Variants in LRRC43 observed in about 807,000 individuals in gnomAD.
LRRC43 encodes leucine rich repeat containing 43.
Under a neutral mutation model 64.3 loss-of-function variants are expected in LRRC43, and 62 were observed. The observed-to-expected ratio is 0.96, with a 90% CI of 0.79 to 1.19. LRRC43 has a LOEUF of 1.19. LRRC43 is among the 50% of genes most tolerant of loss of function. LRRC43 has a pLI of 0.00. For missense variants in LRRC43, 868 were observed against 845.0 expected (o/e 1.03, Z -0.34); for synonymous variants, 422 against 382.3 (o/e 1.10, Z -1.21).
At chr12:122,190,484 CA>C in intron 5 of LRRC43, 116 bp downstream of exon 5, 1 of 735,810 alleles carries the variant, frequency 1.4e-6, no homozygotes. Context: ...CCATTTGACC[CA>C]GACCCTATTC....
At chr12:122,180,399 A>G (rs1449356452), upstream of LRRC43, among the ~76,000 whole-genome samples, 5 of 151,520 alleles carry the variant, frequency 3.3e-5, no homozygotes, top group African/African-American at 1.2e-4. Flanking sequence ...GGAGCCTGCA[A>G]TCCCAGCTAC....
rs549848383 is a variant in LRRC43, at chr12:122,184,765, G to C, written c.397G>C (p.Val133Leu). The C allele has an allele frequency of 5.0e-6, 8 of 1,603,538 alleles. No homozygotes were observed. Among genetic ancestry groups the C allele is most frequent in the African/African-American group, 1.3e-5 (1 of 74,746 alleles). Residue 133 changes from valine (V) to leucine (L), a missense_variant, in exon 2 of 12, where the codon GTA (valine) becomes CTA (leucine). Transcript: ENST00000339777. The surrounding 1 kb of genome is among the most constrained non-coding windows in gnomAD (Gnocchi z 4.0). ...FFYSYFRSLR[V>L]IDKKVTLVDK... ...CTACTCCTACTTCCGGTCCCTGCGG[G>C]TAATAGACAAGAAGGTCAGTGCTGG...
intron 1 of LRRC43, among the ~76,000 whole-genome samples, chr12:122,168,441 CAA>C (rs557937624): frequency 2.6e-4 from 32 of 120,776 alleles, no homozygotes; most frequent in Admixed American, 2.6e-4. Context: ...AACTCTGTCT[CAA>C]AAAAAAAAAA....
intron 3 of LRRC43, among the ~76,000 whole-genome samples, chr12:122,187,185 T>A (rs1953655014): frequency 6.6e-6 from 1 of 151,964 alleles, no homozygotes. Flanking sequence ...GAGCCAAGAT[T>A]GTGCCACTGC....
rs776831066 is a variant in LRRC43 at position 122,191,476 on chromosome 12, G to C, written c.998G>C (p.Gly333Ala). 2 of 1,613,932 alleles carry C rather than the reference G, an allele frequency of 1.2e-6. No individual in the cohort carries two copies. The highest frequency in any genetic ancestry group is 1.7e-6 in the Non-Finnish European group (2 of 1,180,020). The change falls in exon 6 of 12, where the codon GGC (glycine) becomes GCC (alanine). Residue 333 changes from glycine (G) to alanine (A), a missense_variant. Physicochemically the swap from Gly to Ala is moderately conservative, Grantham distance 60. Transcript: ENST00000339777. ...SVLDPEPRPEGPFITYNYYVT... is the reference protein window; with the variant it reads ...SVLDPEPRPEAPFITYNYYVT... Reference sequence around the variant, plus strand: ...TTAGACCCGGAACCCAGGCCCGAAGGCCCTTTCATCACTTACAACTATTAC... The same window carrying C: ...TTAGACCCGGAACCCAGGCCCGAAGCCCCTTTCATCACTTACAACTATTAC...
At chr12:122,172,421 G>A in intron 1 of LRRC43, 1 of 1,611,642 alleles carries the variant, frequency 6.2e-7, no homozygotes, top group Non-Finnish European at 8.5e-7. Context: ...CTTAAGTGGT[G>A]GCCTGTTGGG....
intron 1 of LRRC43, among the ~76,000 whole-genome samples, chr12:122,169,850 C>T (rs1953470254): frequency 6.6e-6 from 1 of 151,786 alleles, no homozygotes. Context: ...ACTCTGTTGC[C>T]CAGGCTGGAG....
intron 7 of LRRC43, among the ~76,000 whole-genome samples, chr12:122,198,730 A>ACGTTCAACTT (rs1566012805): frequency 5.4e-5 from 8 of 147,220 alleles, no homozygotes; most frequent in African/African-American, 7.7e-5. Flanking sequence ...CCCAGGTTCA[A>ACGTTCAACTT]GTGATTCTCC....
intron 1 of LRRC43, chr12:122,173,700 C>T (rs1236116365): frequency 7.7e-6 from 5 of 646,214 alleles, no homozygotes; most frequent in Middle Eastern, 2.9e-4. Flanking sequence ...AAAAAAAAAG[C>T]CATCTTTGCC....
Position 122,183,258 on chromosome 12 carries a change from G to A in LRRC43, c.114G>A (p.Leu38=). The change falls in exon 1 of 12, where the codon CTG becomes CTA. Residue 38 remains leucine (L), a synonymous_variant. Transcript: ENST00000339777. ...CCGTGCGCGAGCACTTGCGGAAGCT[G>A]TGTCTGCGCGAGTTCCCGTGCGGTG... The part of the protein sequence containing the change: ...SAAVREHLRK[L]CLREFPCGAG... The A allele has an allele frequency of 6.4e-7, 1 of 1,561,218 alleles. No individual in the cohort carries two copies. Among genetic ancestry groups the A allele is most frequent in the South Asian group, 1.2e-5 (1 of 86,888 alleles).
intron 1 of LRRC43, among the ~76,000 whole-genome samples, chr12:122,177,859 A>G (rs1953551293): frequency 7.5e-6 from 1 of 133,290 alleles, no homozygotes; most frequent in Non-Finnish European, 1.7e-5. Flanking sequence ...TTATTTTGAG[A>G]TGGAGTGTGG....
intron 1 of LRRC43, chr12:122,172,357 G>A (rs1184191142): frequency 3.9e-6 from 5 of 1,265,960 alleles, no homozygotes; most frequent in Non-Finnish European, 4.5e-6. Flanking sequence ...CTTAGCTGTC[G>A]GTCATCTTTT....
At position 122,190,330 on chromosome 12, in the gene LRRC43, A is replaced by T. The variant is rs201800249; in HGVS notation, c.863A>T (p.Asn288Ile). 1.2e-6 allele frequency: 2 copies of T among 1,614,000 alleles called. No homozygotes were observed. Among genetic ancestry groups the T allele is most frequent in the Admixed American group, 1.7e-5 (1 of 60,006 alleles). The change falls in exon 5 of 12, where the codon AAT (asparagine) becomes ATT (isoleucine). Residue 288 changes from asparagine to isoleucine, a missense_variant. Physicochemically the swap from Asn to Ile is moderately radical, Grantham distance 149. Transcript: ENST00000339777. ...CVLDDITVSP[N>I]EKHLFRGLSL... ...CTGGACGACATCACCGTGTCTCCCA[A>T]TGAGAAGCATCTCTTCCGGGGGCTC...
upstream of LRRC43, among the ~76,000 whole-genome samples, chr12:122,179,787 A>T (rs994913794): frequency 1.3e-5 from 2 of 151,970 alleles, no homozygotes; most frequent in Non-Finnish European, 2.9e-5. Flanking sequence ...CCTGGCCAAC[A>T]TGGTGAAACC....
intron 7 of LRRC43, among the ~76,000 whole-genome samples, chr12:122,198,278 C>A (rs1364138208): frequency 1.3e-5 from 2 of 152,096 alleles, no homozygotes; most frequent in Admixed American, 1.3e-4. Flanking sequence ...TGAGCCACTG[C>A]GCCCGGCCGA....
At chr12:122,188,748 G>A (rs562895706) in intron 4 of LRRC43, among the ~76,000 whole-genome samples, 5 of 152,136 alleles carry the variant, frequency 3.3e-5, no homozygotes, top group African/African-American at 4.8e-5. Context: ...GCCTGGTGCC[G>A]TATTTTAGAG....
In LRRC43 at chr12:122,184,640, G is replaced by A. The variant is rs771378312; in HGVS notation, c.272G>A (p.Arg91His). 2.2e-5 allele frequency: 35 copies of A among 1,613,802 alleles called. No individual in the cohort carries two copies. The highest frequency in any genetic ancestry group is 2.8e-5 in the Non-Finnish European group (33 of 1,179,888). The change falls in exon 2 of 12, where the codon CGC (arginine) becomes CAC (histidine). Residue 91 changes from arginine (R) to histidine (H), a missense_variant. Physicochemically the swap from Arg to His is conservative, Grantham distance 29. Coordinates refer to ENST00000339777, the MANE Select transcript of LRRC43 (RefSeq NM_001098519.2). The surrounding 1 kb of genome is among the most constrained non-coding windows in gnomAD (Gnocchi z 4.0). ...VEALLGLVRS[R>H]HSPWALLNNS... ...GCCCTGCTGGGCCTGGTCCGCAGCC[G>A]CCACTCCCCCTGGGCTCTGCTGAAC... is the stretch of plus-strand genomic sequence containing the variant.
intron 1 of LRRC43, chr12:122,172,773 G>A (rs1354795117): frequency 6.5e-7 from 1 of 1,529,950 alleles, no homozygotes; most frequent in Non-Finnish European, 8.9e-7. Context: ...TCAGTGTTGG[G>A]TTTGCAATGA....
intron 4 of LRRC43, chr12:122,189,456 C>T (rs772981999): frequency 3.9e-5 from 18 of 456,570 alleles, no homozygotes; most frequent in Admixed American, 9.4e-5. Flanking sequence ...TGACAGCGGC[C>T]GCTTGTGTTT....
Sources: allele counts gnomAD v4.1 joint callset (sites outside exome capture counted in the v4.1 genomes callset), GRCh38; gene constraint gnomAD v4.1.1; non-coding constraint Gnocchi (gnomAD v3.1); transcripts MANE v1.5; gene names NCBI Gene and HGNC (gene_info 2026-07-23, HGNC 2026-07-21).